Variants in ARAP2 observed in about 807,000 individuals in gnomAD.
The protein encoded by ARAP2 is arf-GAP with Rho-GAP domain, ANK repeat and PH domain-containing protein 2.
ARAP2 carries 148 observed loss-of-function variants against 194.5 expected under a neutral mutation model. That is an observed-to-expected ratio of 0.76 (90% CI 0.67 to 0.87). ARAP2 has a LOEUF of 0.87. ARAP2 is among the 40% of genes least tolerant of loss of function. ARAP2 has a pLI of 0.00. For missense variants in ARAP2, 2,128 were observed against 1,989.7 expected (o/e 1.07, Z -1.32); for synonymous variants, 695 against 683.5 (o/e 1.02, Z -0.26).
At chr4:36,079,791 A>T (rs1160158754) in intron 31 of ARAP2, among the ~76,000 whole-genome samples, 1 of 152,166 alleles carries the variant, frequency 6.6e-6, no homozygotes, top group Non-Finnish European at 1.5e-5. Context: ...ATAGTTATTA[A>T]AGAAAAGTAG....
intron 15 of ARAP2, among the ~76,000 whole-genome samples, chr4:36,155,089 G>A (rs948261226): frequency 6.6e-6 from 1 of 152,112 alleles, no homozygotes; most frequent in South Asian, 2.1e-4. Flanking sequence ...ATTGATATAT[G>A]AGTCACCCAT....
intron 21 of ARAP2, among the ~76,000 whole-genome samples, chr4:36,127,493 T>G (rs1317875812): frequency 1.3e-5 from 2 of 152,018 alleles, no homozygotes; most frequent in African/African-American, 4.8e-5. Flanking sequence ...TGTGCATGTT[T>G]TGTGACATCA....
At chr4:36,097,194 T>C (rs528358464) in intron 27 of ARAP2, among the ~76,000 whole-genome samples, 5 of 152,224 alleles carry the variant, frequency 3.3e-5, no homozygotes, top group African/African-American at 9.6e-5. Flanking sequence ...TGTATGTGAT[T>C]GAGTATATTG....
At chr4:36,028,361 A>T (rs1718299216) in intron 5 of ARAP2, among the ~76,000 whole-genome samples, 2 of 152,050 alleles carry the variant, frequency 1.3e-5, no homozygotes, top group African/African-American at 4.8e-5. Flanking sequence ...AAATCTTCTT[A>T]ATTTCTTTAT....
At chr4:36,143,076 T>C (rs969979768) in intron 19 of ARAP2, among the ~76,000 whole-genome samples, 3 of 151,796 alleles carry the variant, frequency 2.0e-5, no homozygotes, top group Non-Finnish European at 4.4e-5. Flanking sequence ...TGTTTATGTG[T>C]CTATGTAAAT....
At chr4:36,227,120 C>G (rs1278410158) in intron 2 of ARAP2, among the ~76,000 whole-genome samples, 1 of 152,118 alleles carries the variant, frequency 6.6e-6, no homozygotes, top group East Asian at 1.9e-4. Flanking sequence ...GAAGTGGGAT[C>G]TAGAGTCAGA....
chr4:36,014,318 GA>G (rs202112315), intron 8 of ARAP2, among the ~76,000 whole-genome samples: 47 of 119,294 alleles, frequency 3.9e-4, no homozygotes, highest in African/African-American at 4.9e-4. Flanking sequence ...AGGAAAGAAA[GA>G]AAGAGAGAAA....
At chr4:36,178,121 A>G (rs1232827224) in intron 8 of ARAP2, 116 bp from the exon 9 acceptor site, 7 of 871,200 alleles carry the variant, frequency 8.0e-6, no homozygotes, top group Non-Finnish European at 1.0e-5. Context: ...TCTTTCCCAC[A>G]ACCACAATCT....
intron 2 of ARAP2, among the ~76,000 whole-genome samples, chr4:36,225,255 C>T (rs1437060126): frequency 6.6e-6 from 1 of 152,140 alleles, no homozygotes; most frequent in East Asian, 1.9e-4. Flanking sequence ...AAAAAGAAGG[C>T]TTTGAGACCT....
chr4:36,079,030 T>C (rs868228269), intron 31 of ARAP2, among the ~76,000 whole-genome samples: 1 of 151,612 alleles, frequency 6.6e-6, no homozygotes. Flanking sequence ...AAAAATTAGC[T>C]GGGCACGGTG....
downstream of ARAP2, among the ~76,000 whole-genome samples, chr4:36,062,251 G>A (rs1724566372): frequency 2.6e-5 from 4 of 152,108 alleles, no homozygotes; most frequent in South Asian, 8.3e-4. Context: ...TTTCCTCAAT[G>A]CACCATGTTG....
chr4:36,108,477 C>G (rs915654737), intron 26 of ARAP2, among the ~76,000 whole-genome samples: 4 of 151,836 alleles, frequency 2.6e-5, no homozygotes, highest in African/African-American at 9.7e-5. Flanking sequence ...CAAAATAGTA[C>G]TGAAGAGTCT....
chr4:36,132,938 C>T (rs1190982432), intron 20 of ARAP2, among the ~76,000 whole-genome samples: 1 of 151,634 alleles, frequency 6.6e-6, no homozygotes. Flanking sequence ...TTGAATAAAA[C>T]ATATAATCTA....
chr4:36,035,089 G>A (rs575757592), intron 5 of ARAP2, among the ~76,000 whole-genome samples: 23 of 152,158 alleles, frequency 1.5e-4, no homozygotes, highest in African/African-American at 3.6e-4. Context: ...TCAGGATGAC[G>A]CTGGCCTCAT....
At chr4:36,149,287 C>G (rs1342500037) in intron 16 of ARAP2, among the ~76,000 whole-genome samples, 1 of 150,654 alleles carries the variant, frequency 6.6e-6, no homozygotes, top group Non-Finnish European at 1.5e-5. Context: ...GTAACTTGTT[C>G]TTCCCCTTAA....
intron 3 of ARAP2, chr4:36,047,203 C>T (rs1560317145): frequency 6.6e-6 from 1 of 152,246 alleles, no homozygotes; most frequent in Admixed American, 6.5e-5. Flanking sequence ...CAGCTGTCCT[C>T]CTACAGGACG....
In ARAP2 at chr4:36,067,684, C is replaced by T; in HGVS notation, c.*223G>A. The stretch of plus-strand genomic sequence containing the variant: ...CAATGTCTTCTTACACACGTTAATA[C>T]AATGGAACTTTACAAGGTTTGTTCA... On this transcript the variant is annotated 3_prime_UTR_variant, in exon 33 of 33. Coordinates refer to ENST00000303965, the MANE Select transcript of ARAP2 (RefSeq NM_015230.4). 1 of 447,546 alleles carries T rather than the reference C, an allele frequency of 2.2e-6. No individual in the cohort carries two copies. The allele number at this position is 447,546 out of a possible 1,614,324, so 27.7% of individuals were successfully genotyped here. A position where few individuals can be genotyped will look rare whatever the true frequency, so the allele number is the denominator to read the frequency against.
chr4:36,117,111 T>G lies in ARAP2; in HGVS notation c.3988A>C (p.Ile1330Leu). 1 of 1,599,746 alleles carries G rather than the reference T, an allele frequency of 6.3e-7. No individual in the cohort carries two copies. The highest frequency in any genetic ancestry group is 1.7e-5 in the Admixed American group (1 of 58,184). Residue 1330 changes from isoleucine (I) to leucine (L), a missense_variant, in exon 25 of 33, where the codon ATT (isoleucine) becomes CTT (leucine). By Grantham distance (5) the Ile-to-Leu change is conservative. Coordinates refer to ENST00000303965, the MANE Select transcript of ARAP2 (RefSeq NM_015230.4). ...TCCTTCCTTTCTACATATACTTCAA[T>G]TAACAAATCTCCAGCCTGGGAAACC... ...TQVSQAGDLL[I>L]EVYVERKEPD...
At chr4:36,229,877 T>G (rs1751096469) in intron 1 of ARAP2, among the ~76,000 whole-genome samples, 1 of 152,140 alleles carries the variant, frequency 6.6e-6, no homozygotes, top group Non-Finnish European at 1.5e-5. Context: ...GTGAAAAAAG[T>G]GACACTGACA....
Sources: allele counts gnomAD v4.1 joint callset (sites outside exome capture counted in the v4.1 genomes callset), GRCh38; gene constraint gnomAD v4.1.1; transcripts MANE v1.5; gene names NCBI Gene and HGNC (gene_info 2026-07-23, HGNC 2026-07-21).